The following TSPAN19 variants were observed in gnomAD, a reference collection of about 807,000 sequenced individuals.
The protein encoded by TSPAN19 is tetraspanin 19.
Under a neutral mutation model 35.1 loss-of-function variants are expected in TSPAN19, and 44 were observed. The observed-to-expected ratio is 1.25, with a 90% CI of 0.98 to 1.61. The LOEUF is 1.61. Ranked by LOEUF, TSPAN19 falls within the 40% of genes most tolerant of loss-of-function variation. The pLI, the probability that TSPAN19 is intolerant of heterozygous loss-of-function variation, is 0.00. For missense variants in TSPAN19, 290 were observed against 280.0 expected (o/e 1.04, Z -0.26); for synonymous variants, 79 against 92.0 (o/e 0.86, Z 0.81).
chr12:85,022,608 G>T (rs1877185570), intron 5 of TSPAN19, among the ~76,000 whole-genome samples: 2 of 152,034 alleles, frequency 1.3e-5, no homozygotes, highest in Non-Finnish European at 2.9e-5. Flanking sequence ...GCAACAACTT[G>T]CTGTAAAGCA....
At chr12:85,029,579 CTGA>C in intron 3 of TSPAN19, 137 bp downstream of exon 3, 1 of 777,526 alleles carries the variant, frequency 1.3e-6, no homozygotes, top group Non-Finnish European at 2.0e-6. Flanking sequence ...ATCTCTACAA[CTGA>C]TGAAGACTTT....
rs888467750 is a variant in TSPAN19, at chr12:85,027,936, A to G, written c.227T>C (p.Ile76Thr). ...CCATCTGATTTCGTTGTGAATTCCT[A>G]TATAACCCAATAGACAAAAAAGAAC... ...STVLFCLLGY[I>T]GIHNEIRWLL... is the part of the protein sequence containing the mutation. The change falls in exon 4 of 9, where the codon ATA becomes ACA. Residue 76 changes from isoleucine to threonine, a missense_variant. Transcript: ENST00000532498. 3.1e-6 allele frequency: 5 copies of G among 1,595,202 alleles called. No homozygotes were observed. The African/African-American group carries it at 4.0e-5, about 13-fold the overall frequency.
chr12:85,034,775 G>A (rs1877857091), intron 1 of TSPAN19, among the ~76,000 whole-genome samples: 1 of 152,144 alleles, frequency 6.6e-6, no homozygotes, highest in South Asian at 2.1e-4. Context: ...ATGACTAATT[G>A]ATAAAGTTGT....
At position 85,014,329 on chromosome 12, in the gene TSPAN19, T is replaced by A; in HGVS notation, c.*158A>T. The A allele has an allele frequency of 2.0e-6, 1 of 504,908 alleles. No individual in the cohort carries two copies. Among genetic ancestry groups the A allele is most frequent in the Non-Finnish European group, 3.5e-6 (1 of 286,034 alleles). The allele number at this position is 504,908 out of a possible 1,614,324, so 31.3% of individuals were successfully genotyped here. On this transcript the variant is annotated 3_prime_UTR_variant, in exon 9 of 9. Transcript: ENST00000532498. ...AACAAAATTAATATAATTTCATGAA[T>A]GTTTTATTATAGTATTCAGTAATTC...
rs539252036 is a variant in TSPAN19 at position 85,017,308 on chromosome 12, G to A, written c.594+148C>T. Reference sequence around the variant, plus strand: ...ATGACACTACAATTTACCTAATTACGTGTTCAACTTAGGGAAGTGGATTAA... The same window carrying A: ...ATGACACTACAATTTACCTAATTACATGTTCAACTTAGGGAAGTGGATTAA... On this transcript the variant is annotated intron_variant, in intron 7 of 8. Coordinates refer to ENST00000532498, the MANE Select transcript of TSPAN19 (RefSeq NM_001100917.2). 3.5e-5 allele frequency: 23 copies of A among 650,796 alleles called. No homozygotes were observed. In the South Asian group the frequency reaches 3.9e-4, roughly 11 times the overall value. The allele number at this position is 650,796 out of a possible 1,614,324, so 40.3% of individuals were successfully genotyped here.
chr12:85,015,016 A>G (rs1040918258), intron 8 of TSPAN19: 1 of 152,484 alleles, frequency 6.6e-6, no homozygotes, highest in Non-Finnish European at 1.5e-5. Context: ...GCATGAACAC[A>G]GTAGAGAATA....
At chr12:85,030,150 T>G (rs573017090) in intron 1 of TSPAN19, among the ~76,000 whole-genome samples, 177 bp from the exon 2 acceptor site, 1 of 152,216 alleles carries the variant, frequency 6.6e-6, no homozygotes, top group African/African-American at 2.4e-5. Flanking sequence ...TTGCCTGCAT[T>G]TTCTTTTTAC....
At chr12:85,035,505 G>C (rs1877935828) in intron 1 of TSPAN19, among the ~76,000 whole-genome samples, 2 of 151,988 alleles carry the variant, frequency 1.3e-5, no homozygotes, top group Non-Finnish European at 2.9e-5. Context: ...TTCTTATGTT[G>C]ATGCAATTCA....
chr12:85,028,275 C>T (rs1037032002), intron 3 of TSPAN19, among the ~76,000 whole-genome samples: 2 of 152,002 alleles, frequency 1.3e-5, no homozygotes, highest in African/African-American at 4.8e-5. Context: ...ATCGCTTTAC[C>T]CTTATCCTCC....
chr12:85,022,083 G>A (rs983791693), intron 5 of TSPAN19, among the ~76,000 whole-genome samples: 4 of 152,032 alleles, frequency 2.6e-5, no homozygotes, highest in Admixed American at 1.3e-4. Context: ...TAGCTCTTAT[G>A]TGTCATATTT....
intron 1 of TSPAN19, among the ~76,000 whole-genome samples, chr12:85,032,459 G>A (rs1362563213): frequency 6.6e-6 from 1 of 152,098 alleles, no homozygotes; most frequent in Non-Finnish European, 1.5e-5. Flanking sequence ...GGTGTTACAT[G>A]GTATAGAAGT....
Position 85,017,531 on chromosome 12 carries a change from C to T in TSPAN19, c.519G>A (p.Gln173=). 1 of 1,602,312 alleles carries T rather than the reference C, an allele frequency of 6.2e-7. No individual in the cohort carries two copies. The highest frequency in any genetic ancestry group is 1.7e-5 in the Admixed American group (1 of 58,668). Residue 173 remains glutamine, a synonymous_variant, in exon 7 of 9, where the codon CAG becomes CAA. Coordinates refer to ENST00000532498, the MANE Select transcript of TSPAN19 (RefSeq NM_001100917.2). ...IKNKNKENSG[Q]VPCSCTKSTL... is the part of the protein sequence containing the mutation. ...TTGACTTTGTGCAAGAACATGGCAC[C>T]TGTCCTGAATTTTCTTTGTTCTTAT...
chr12:85,017,737 T>C (rs73379712), intron 6 of TSPAN19, 138 bp from the exon 7 acceptor site: 2 of 622,068 alleles, frequency 3.2e-6, no homozygotes, highest in African/African-American at 3.8e-5. Context: ...ATTAAATAAG[T>C]ATATCTGTGC....
At position 85,029,888 on chromosome 12, in the gene TSPAN19, G is replaced by T. The variant is rs1592667553; in HGVS notation, c.59C>A (p.Ala20Asp). The T allele has an allele frequency of 6.7e-7, 1 of 1,489,416 alleles. No individual in the cohort carries two copies. 92.3% of individuals were successfully genotyped at this position (1,489,416 alleles called of 1,614,324 possible). ...IKYFLNLING[A>D]FLVLGLLFMG... ...AATTATGAAGATTCTTACCAAGAAAGCTCCATTAATGAGATTAAGAAAGTA... is the reference window on the plus strand; with the variant it reads ...AATTATGAAGATTCTTACCAAGAAATCTCCATTAATGAGATTAAGAAAGTA... The change falls in exon 2 of 9, where the codon GCT becomes GAT. Residue 20 changes from alanine (A) to aspartate (D), a missense_variant. Transcript: ENST00000532498.
chr12:85,025,569 AG>A (rs1267957637), intron 4 of TSPAN19, among the ~76,000 whole-genome samples: 3 of 151,848 alleles, frequency 2.0e-5, no homozygotes, highest in Non-Finnish European at 4.4e-5. Context: ...CTTCTTGCCC[AG>A]GCTGGAGTGC....
intron 6 of TSPAN19, among the ~76,000 whole-genome samples, chr12:85,018,485 C>T (rs1344577837): frequency 6.6e-6 from 1 of 150,620 alleles, no homozygotes; most frequent in African/African-American, 2.5e-5. Flanking sequence ...ATATGATAGA[C>T]AGAATTGTTT....
chr12:85,029,077 G>C (rs1462073309), intron 3 of TSPAN19, among the ~76,000 whole-genome samples: 1 of 152,118 alleles, frequency 6.6e-6, no homozygotes, highest in Non-Finnish European at 1.5e-5. Context: ...ATGTTTGCAA[G>C]GATGACATTA....
chr12:85,033,451 C>G (rs1219203996), intron 1 of TSPAN19, among the ~76,000 whole-genome samples: 4 of 144,688 alleles, frequency 2.8e-5, no homozygotes, highest in African/African-American at 1.0e-4. Context: ...TTATAAATGG[C>G]TGTGGGAATG....
intron 5 of TSPAN19, among the ~76,000 whole-genome samples, chr12:85,022,943 G>A (rs1877201151): frequency 6.6e-6 from 1 of 152,066 alleles, no homozygotes; most frequent in African/African-American, 2.4e-5. Flanking sequence ...TTTCAAATTA[G>A]TTAGAGTCTA....
Sources: gnomAD v4.1 joint callset for allele counts (sites outside exome capture counted in the v4.1 genomes callset) on GRCh38, gnomAD v4.1.1 for gene constraint, MANE v1.5 for transcripts, NCBI Gene and HGNC (gene_info 2026-07-23, HGNC 2026-07-21) for gene names.